MGAT4C: variants seen among roughly 807,000 people sequenced by gnomAD.
The protein encoded by MGAT4C is MGAT4 family member C, also known as alpha-1,3-mannosyl-glycoprotein 4-beta-N-acetylglucosaminyltransferase C.
Under a neutral mutation model 40.1 loss-of-function variants are expected in MGAT4C, and 19 were observed. That is an observed-to-expected ratio of 0.47 (90% CI 0.33 to 0.70). MGAT4C has a LOEUF of 0.70. Ranked by LOEUF, MGAT4C falls within the 30% of genes least tolerant of loss-of-function variation. The probability of loss-of-function intolerance (pLI) is 0.02; values close to 1 mark genes in which losing one functional copy is unlikely to be tolerated. For missense variants in MGAT4C, 491 were observed against 563.2 expected (o/e 0.87, Z 1.30); for synonymous variants, 181 against 187.1 (o/e 0.97, Z 0.27).
intron 1 of MGAT4C, among the ~76,000 whole-genome samples, chr12:86,096,412 C>T (rs1301009318): frequency 1.3e-5 from 2 of 148,158 alleles, no homozygotes; most frequent in Admixed American, 6.8e-5. Context: ...CCCCTCCCCT[C>T]CCCTCCCCTT....
intron 1 of MGAT4C, among the ~76,000 whole-genome samples, chr12:86,053,247 TTG>T (rs10540006): frequency 0.73 from 109,474 of 150,224 alleles, 41,194 homozygotes; most frequent in East Asian, 0.96. Context: ...GTATTTGACT[TTG>T]TGTGTGTGTG....
At chr12:86,773,695 AT>A (rs1951678257) in intron 1 of MGAT4C, among the ~76,000 whole-genome samples, 1 of 151,852 alleles carries the variant, frequency 6.6e-6, no homozygotes, top group South Asian at 2.1e-4. Context: ...TCTCTTAACT[AT>A]TTATAAGACA....
At chr12:86,499,815 G>T (rs1026231932) in intron 2 of MGAT4C, among the ~76,000 whole-genome samples, 2 of 151,866 alleles carry the variant, frequency 1.3e-5, no homozygotes, top group Non-Finnish European at 2.9e-5. Context: ...CTAGAGAAGA[G>T]AAATAAAAAT....
intron 4 of MGAT4C, among the ~76,000 whole-genome samples, chr12:86,318,663 A>G (rs80327170): frequency 0.038 from 5,713 of 152,176 alleles, 302 homozygotes; most frequent in African/African-American, 0.12. Flanking sequence ...ATATTATACT[A>G]TGTTGTATGA....
chr12:86,376,771 CAAGAAAGAGAGAGA>C, intron 3 of MGAT4C, among the ~76,000 whole-genome samples: 1 of 120,800 alleles, frequency 8.3e-6, no homozygotes, highest in African/African-American at 3.0e-5. Flanking sequence ...CATCAAAGAG[CAAGAAAGAGAGAGA>C]GAGACAGAGA....
chr12:86,820,224 T>C (rs960219859), intron 1 of MGAT4C, among the ~76,000 whole-genome samples: 41 of 150,844 alleles, frequency 2.7e-4, no homozygotes, highest in African/African-American at 9.2e-4. Flanking sequence ...TTTCTACTTT[T>C]ATAACATAGA....
chr12:86,428,481 G>A (rs1318682840), intron 3 of MGAT4C, among the ~76,000 whole-genome samples: 1 of 152,154 alleles, frequency 6.6e-6, no homozygotes, highest in Non-Finnish European at 1.5e-5. Flanking sequence ...TAAAAGTGGT[G>A]GGATCACAGA....
At chr12:86,115,802 C>T (rs1253353267) in intron 1 of MGAT4C, among the ~76,000 whole-genome samples, 2 of 151,968 alleles carry the variant, frequency 1.3e-5, no homozygotes, top group Non-Finnish European at 2.9e-5. Context: ...TGTCTTCTAA[C>T]ACTTATTTAT....
chr12:86,802,098 A>G (rs911254906), intron 1 of MGAT4C, among the ~76,000 whole-genome samples: 12 of 151,948 alleles, frequency 7.9e-5, no homozygotes, highest in African/African-American at 2.9e-4. Flanking sequence ...TCTAAAGTAT[A>G]ATTGACACCT....
In MGAT4C at chr12:86,784,221, C is replaced by T. The variant is rs73181367; in HGVS notation, c.-262+54445G>A. 3.3e-3 allele frequency among the ~76,000 whole-genome samples: 499 copies of T among 152,120 alleles called. 1 individual carries two copies. The highest frequency in any genetic ancestry group is 5.1e-3 in the Non-Finnish European group (345 of 67,950). On this transcript the variant is annotated intron_variant, in intron 1 of 7. Transcript: ENST00000548651. Reference sequence around the variant, plus strand: ...ATTCTTCCACCCAAAGACTGACAAGCCTGTCTTTAGAGAAGTTTCAACAGG... The same window carrying T: ...ATTCTTCCACCCAAAGACTGACAAGTCTGTCTTTAGAGAAGTTTCAACAGG...
At chr12:85,982,581 T>C (rs1884731009) in intron 4 of MGAT4C, among the ~76,000 whole-genome samples, 1 of 152,228 alleles carries the variant, frequency 6.6e-6, no homozygotes, top group Non-Finnish European at 1.5e-5. Context: ...TGCTTATACT[T>C]TCTTAGTGGT....
chr12:86,526,566 C>CTGCA (rs1473872296), intron 2 of MGAT4C, among the ~76,000 whole-genome samples: 1 of 152,042 alleles, frequency 6.6e-6, no homozygotes, highest in African/African-American at 2.4e-5. Flanking sequence ...CAAGGCTGCC[C>CTGCA]TGCATGCAGG....
intron 3 of MGAT4C, among the ~76,000 whole-genome samples, chr12:86,397,325 T>C (rs931847226): frequency 1.3e-5 from 2 of 152,150 alleles, no homozygotes; most frequent in African/African-American, 4.8e-5. Flanking sequence ...GATAACTCAA[T>C]GCCTTCAAAA....
chr12:86,011,179 CTAA>C (rs2136819510), intron 2 of MGAT4C, among the ~76,000 whole-genome samples: 1 of 152,232 alleles, frequency 6.6e-6, no homozygotes, highest in South Asian at 2.1e-4. Flanking sequence ...GTCAAAATTC[CTAA>C]TAATAGGGGC....
intron 1 of MGAT4C, among the ~76,000 whole-genome samples, chr12:86,119,878 T>TA (rs1215562111): frequency 1.3e-4 from 19 of 151,934 alleles, no homozygotes; most frequent in Admixed American, 2.6e-4. Flanking sequence ...TTTTTAATAA[T>TA]ATATTAAAGT....
At chr12:86,637,433 G>T (rs909450716) in intron 2 of MGAT4C, among the ~76,000 whole-genome samples, 2 of 151,748 alleles carry the variant, frequency 1.3e-5, no homozygotes, top group East Asian at 3.9e-4. Flanking sequence ...GAATACCCAG[G>T]ATTATTTTAA....
chr12:86,706,855 G>A (rs1222007926), intron 2 of MGAT4C, among the ~76,000 whole-genome samples: 1 of 152,136 alleles, frequency 6.6e-6, no homozygotes, highest in African/African-American at 2.4e-5. Flanking sequence ...TGTTGTGGGA[G>A]GGACCTGGTA....
intron 2 of MGAT4C, among the ~76,000 whole-genome samples, chr12:86,485,721 C>G (rs1327643675): frequency 2.0e-5 from 3 of 152,034 alleles, no homozygotes; most frequent in Non-Finnish European, 2.9e-5. Flanking sequence ...TTGAGAAATA[C>G]AGAGAACCCC....
At chr12:86,359,472 AG>A (rs1955403139) in intron 3 of MGAT4C, among the ~76,000 whole-genome samples, 1 of 152,150 alleles carries the variant, frequency 6.6e-6, no homozygotes, top group South Asian at 2.1e-4. Flanking sequence ...GAAATAACTA[AG>A]ATTAGAGAAG....
Sources: gnomAD v4.1 joint callset for allele counts (sites outside exome capture counted in the v4.1 genomes callset) on GRCh38, gnomAD v4.1.1 for gene constraint, MANE v1.5 for transcripts, NCBI Gene and HGNC (gene_info 2026-07-23, HGNC 2026-07-21) for gene names.